Variants in JMJD1C observed in about 807,000 individuals in gnomAD.
The protein encoded by JMJD1C is jumonji domain-containing protein 1C.
Under a neutral mutation model 245.3 loss-of-function variants are expected in JMJD1C, and 31 were observed. The ratio of observed to expected loss-of-function variants is 0.13; its 90% CI spans 0.09 to 0.17. JMJD1C has a LOEUF of 0.17. JMJD1C is among the 10% of genes least tolerant of loss of function. The pLI is 1.00. For synonymous variants in JMJD1C, 1,057 were observed against 1,017.4 expected, an observed-to-expected ratio of 1.04 and a Z score of -0.74; for missense variants, 2,691 against 3,000.2, an observed-to-expected ratio of 0.90 and a Z score of 2.41.
intron 2 of JMJD1C, among the ~76,000 whole-genome samples, chr10:63,355,667 C>T (rs7098614): frequency 0.63 from 95,358 of 151,764 alleles, 32,695 homozygotes; most frequent in Non-Finnish European, 0.78. Flanking sequence ...GTGAGAGTTG[C>T]TCTTGGTTGG....
At chr10:63,424,245 T>A (rs77307070) in intron 1 of JMJD1C, among the ~76,000 whole-genome samples, 8 of 132,842 alleles carry the variant, frequency 6.0e-5, no homozygotes, top group African/African-American at 2.1e-4. Context: ...TTTTTTTTTT[T>A]AAGTAGAGAC....
intron 1 of JMJD1C, among the ~76,000 whole-genome samples, chr10:63,407,105 G>T (rs1440357465): frequency 6.6e-6 from 1 of 152,138 alleles, no homozygotes; most frequent in Non-Finnish European, 1.5e-5. Flanking sequence ...ATTGAGTAGG[G>T]GTAAAGTAGG....
At chr10:63,417,292 T>C (rs758737737) in intron 1 of JMJD1C, among the ~76,000 whole-genome samples, 4 of 152,182 alleles carry the variant, frequency 2.6e-5, no homozygotes, top group Non-Finnish European at 5.9e-5. Flanking sequence ...CGTACTACTA[T>C]ATTGGGTTTT....
intron 24 of JMJD1C, among the ~76,000 whole-genome samples, chr10:63,172,517 T>C (rs941518738): frequency 6.6e-6 from 1 of 152,154 alleles, no homozygotes; most frequent in African/African-American, 2.4e-5. Context: ...ATTCTAGGCA[T>C]GGGAAGAGAG....
intron 1 of JMJD1C, among the ~76,000 whole-genome samples, chr10:63,385,564 A>G (rs1286744201): frequency 6.6e-6 from 1 of 151,420 alleles, no homozygotes; most frequent in Non-Finnish European, 1.5e-5. Flanking sequence ...TGGCCTCCCA[A>G]GCATCTGGGA....
rs1217805792 is a variant in JMJD1C, at chr10:63,167,785, T to C, written c.*260A>G. The C allele has an allele frequency of 3.2e-6, 1 of 310,728 alleles. No homozygotes were observed. Among genetic ancestry groups the C allele is most frequent in the Non-Finnish European group, 5.9e-6 (1 of 169,300 alleles). The allele number at this position is 310,728 out of a possible 1,614,324, so 19.2% of individuals were successfully genotyped here. ...TAAATACATCATTTTAAATCTGGCA[T>C]TTTCACAAACATCATATACACTATA... On this transcript the variant is annotated 3_prime_UTR_variant, in exon 26 of 26. Coordinates refer to ENST00000399262, the MANE Select transcript of JMJD1C (RefSeq NM_032776.3).
chr10:63,206,568 T>C (rs1268095103), intron 10 of JMJD1C, 27 bp downstream of exon 10: 2 of 1,531,630 alleles, frequency 1.3e-6, no homozygotes, highest in African/African-American at 1.4e-5. Flanking sequence ...CCATTTTACC[T>C]GAGATAAAAC....
chr10:63,380,428 A>G lies in JMJD1C; in HGVS notation c.223T>C (p.Tyr75His), dbSNP rs190890554. The G allele has an allele frequency of 3.1e-6, 5 of 1,614,038 alleles. No homozygotes were observed. Among genetic ancestry groups the G allele is most frequent in the Admixed American group, 3.3e-5 (2 of 60,030 alleles). ...ACCAAGAAAGTTGAAAAATCTTCAT[A>G]AACTTTAACCCACTCTCGTTTATCC... ...EWDKREWVKV[Y>H]EDFSTFLVEY... Residue 75 changes from tyrosine (Y) to histidine (H), a missense_variant, in exon 2 of 26, where the codon TAT becomes CAT. By Grantham distance (83) the Tyr-to-His change is moderately conservative (BLOSUM62 2). Transcript: ENST00000399262.
At chr10:63,286,160 G>C (rs1231979313) in intron 2 of JMJD1C, among the ~76,000 whole-genome samples, 1 of 152,092 alleles carries the variant, frequency 6.6e-6, no homozygotes, top group African/African-American at 2.4e-5. Context: ...TTTGATTTTC[G>C]AATCAAAGAC....
chr10:63,408,106 C>A (rs1017881951), intron 1 of JMJD1C, among the ~76,000 whole-genome samples: 1 of 151,988 alleles, frequency 6.6e-6, no homozygotes, highest in Non-Finnish European at 1.5e-5. Flanking sequence ...AAAAGCTAAG[C>A]ACAACAGATA....
chr10:63,256,850 TGAAATG>T (rs550848585), intron 3 of JMJD1C, among the ~76,000 whole-genome samples: 36 of 152,060 alleles, frequency 2.4e-4, no homozygotes, highest in African/African-American at 8.0e-4. Flanking sequence ...GAAGGCAAAG[TGAAATG>T]GAAAAGGGAG....
chr10:63,347,535 G>A (rs1434457534), intron 2 of JMJD1C, among the ~76,000 whole-genome samples: 1 of 147,732 alleles, frequency 6.8e-6, no homozygotes, highest in African/African-American at 2.5e-5. Context: ...AGTGAGCCAA[G>A]ACTGCGCCAC....
At chr10:63,408,030 G>T (rs1202687572) in intron 1 of JMJD1C, among the ~76,000 whole-genome samples, 1 of 152,078 alleles carries the variant, frequency 6.6e-6, no homozygotes, top group African/African-American at 2.4e-5. Context: ...GAGAATCTTA[G>T]AAACAATTCA....
chr10:63,268,969 T>C (rs1855965367), intron 2 of JMJD1C: 1 of 985,654 alleles, frequency 1.0e-6, no homozygotes, highest in Non-Finnish European at 1.2e-6. Context: ...CTGGCAGTGA[T>C]GAGGATTACA....
chr10:63,292,045 G>A (rs1021615029), intron 2 of JMJD1C, among the ~76,000 whole-genome samples: 1 of 150,876 alleles, frequency 6.6e-6, no homozygotes, highest in Non-Finnish European at 1.5e-5. Context: ...CAGCCTCTTG[G>A]ACTCAAGCAA....
intron 2 of JMJD1C, among the ~76,000 whole-genome samples, chr10:63,265,330 G>T (rs1342149199): frequency 6.6e-6 from 1 of 150,676 alleles, no homozygotes; most frequent in East Asian, 1.9e-4. Context: ...CATGGAGGAA[G>T]GGAGTAGAGA....
chr10:63,234,448 C>T (rs1274329158), intron 3 of JMJD1C, among the ~76,000 whole-genome samples: 3 of 136,130 alleles, frequency 2.2e-5, no homozygotes, highest in Non-Finnish European at 4.6e-5. Flanking sequence ...GAGCCACGAT[C>T]GCACCACTGC....
chr10:63,332,365 G>T (rs1340203449), intron 2 of JMJD1C, among the ~76,000 whole-genome samples: 1 of 152,166 alleles, frequency 6.6e-6, no homozygotes, highest in African/African-American at 2.4e-5. Context: ...GATATAACCA[G>T]TAAGATAATT....
At chr10:63,234,233 A>C (rs1850372545) in intron 3 of JMJD1C, among the ~76,000 whole-genome samples, 1 of 146,450 alleles carries the variant, frequency 6.8e-6, no homozygotes, top group South Asian at 2.1e-4. Flanking sequence ...GAAAACAAAC[A>C]AAATGTAATC....
Sources: allele counts gnomAD v4.1 joint callset (sites outside exome capture counted in the v4.1 genomes callset), GRCh38; gene constraint gnomAD v4.1.1; transcripts MANE v1.5; gene names NCBI Gene and HGNC (gene_info 2026-07-23, HGNC 2026-07-21).